Variants in MAN2A2 observed in about 807,000 individuals in gnomAD.
MAN2A2 encodes the protein alpha-mannosidase 2x.
In MAN2A2, 79 loss-of-function variants were observed where a neutral mutation model predicts 126.8. The ratio of observed to expected loss-of-function variants is 0.62; its 90% CI spans 0.52 to 0.75. MAN2A2 has a LOEUF of 0.75. Ranked by LOEUF, MAN2A2 falls within the 30% of genes least tolerant of loss-of-function variation. The probability of loss-of-function intolerance (pLI) is 0.00; values close to 1 mark genes in which losing one functional copy is unlikely to be tolerated. For synonymous variants in MAN2A2, 671 were observed against 618.7 expected (o/e 1.08, Z -1.25); for missense variants, 1,392 against 1,522.4 (o/e 0.91, Z 1.43).
At position 90,910,884 on chromosome 15, in the gene MAN2A2, A is replaced by G; in HGVS notation, c.1798A>G (p.Ile600Val). Residue 600 changes from isoleucine (I) to valine (V), a missense_variant, in exon 12 of 23, where the codon ATT becomes GTT. Coordinates refer to ENST00000559717, the MANE Select transcript of MAN2A2 (RefSeq NM_006122.4). ...CCTTGTCAACCTGAAGCAGGTCATC[A>G]TTCATGCAGCCCACTATCTGGTGCT... is the stretch of plus-strand genomic sequence containing the variant. ...RSLVNLKQVI[I>V]HAAHYLVLGD... 1 of 1,614,066 alleles carries G rather than the reference A, an allele frequency of 6.2e-7. No individual in the cohort carries two copies. The highest frequency in any genetic ancestry group is 8.5e-7 in the Non-Finnish European group (1 of 1,180,002).
In MAN2A2 at chr15:90,905,476, T is replaced by C. The variant is rs1469632213; in HGVS notation, c.358T>C (p.Leu120=). The C allele has an allele frequency of 7.4e-6, 12 of 1,613,830 alleles. No individual in the cohort carries two copies. The highest frequency in any genetic ancestry group is 2.2e-5 in the East Asian group (1 of 44,900). The part of the protein sequence containing the change: ...SISPQDCQFA[L]GGRGQKPELQ... ...CTCCCCGCAGGACTGCCAGTTTGCT[T>C]TGGGGGGCCGGGGTCAGAAGCCAGA... Residue 120 remains leucine, a synonymous_variant, in exon 3 of 23, where the codon TTG becomes CTG. Transcript: ENST00000559717.
At chr15:90,914,622 C>T (rs1019592172) in intron 19 of MAN2A2, among the ~76,000 whole-genome samples, 5 of 152,144 alleles carry the variant, frequency 3.3e-5, no homozygotes, top group Non-Finnish European at 4.4e-5. Flanking sequence ...CGATTTGAAG[C>T]GATTCTCTTG....
Position 90,919,925 on chromosome 15 carries a change from T to G in MAN2A2, c.*138T>G. On this transcript the variant is annotated 3_prime_UTR_variant, in exon 23 of 23. Transcript: ENST00000559717. ...CACACTGGGCTCTGCCCTCATTTTC[T>G]GTTTATTGCTGCTGCTGTGTTTTCG... is the stretch of plus-strand genomic sequence containing the variant. 1 of 1,025,460 alleles carries G rather than the reference T, an allele frequency of 9.8e-7. No individual in the cohort carries two copies. Among genetic ancestry groups the G allele is most frequent in the Admixed American group, 2.6e-5 (1 of 38,532 alleles). 63.5% of individuals were successfully genotyped at this position (1,025,460 alleles called of 1,614,324 possible).
chr15:90,910,544 C>A lies in MAN2A2; in HGVS notation c.1621C>A (p.Arg541Ser), dbSNP rs778476492. 11 of 1,614,086 alleles carry A rather than the reference C, an allele frequency of 6.8e-6. No individual in the cohort carries two copies. Among genetic ancestry groups the A allele is most frequent in the Non-Finnish European group, 9.3e-6 (11 of 1,180,036 alleles). The stretch of plus-strand genomic sequence containing the variant: ...CAGCCTGGCTGCAGCTCACGCTCGC[C>A]GCTCTGGTCTGGCTGGCCGGTACCC... The part of the protein sequence containing the change: ...LYSLAAAHAR[R>S]SGLAGRYPLS... Residue 541 changes from arginine to serine, a missense_variant, in exon 11 of 23, where the codon CGC (arginine) becomes AGC (serine). Coordinates refer to ENST00000559717, the MANE Select transcript of MAN2A2 (RefSeq NM_006122.4).
chr15:90,913,705 G>A lies in MAN2A2; in HGVS notation c.2810G>A (p.Arg937His), dbSNP rs1567129489. The A allele has an allele frequency of 3.1e-6, 5 of 1,605,106 alleles. No individual in the cohort carries two copies. Among genetic ancestry groups the A allele is most frequent in the South Asian group, 1.1e-5 (1 of 89,592 alleles). The change falls in exon 19 of 23, where the codon CGC (arginine) becomes CAC (histidine). Residue 937 changes from arginine (R) to histidine (H), a missense_variant. Coordinates refer to ENST00000559717, the MANE Select transcript of MAN2A2 (RefSeq NM_006122.4). ...GCCTATATCCAGGACGCACAGAAGC[G>A]CCTCACGCTGCACACTGCCCAGGCC... The part of the protein sequence containing the change: ...VMAYIQDAQK[R>H]LTLHTAQALG...
chr15:90,909,836 T>A (rs1288229151), intron 9 of MAN2A2, among the ~76,000 whole-genome samples: 1 of 152,152 alleles, frequency 6.6e-6, no homozygotes, highest in African/African-American at 2.4e-5. Flanking sequence ...ATCTCCTGAC[T>A]TCGTGATCCA....
intron 22 of MAN2A2, among the ~76,000 whole-genome samples, 176 bp from the exon 23 acceptor site, chr15:90,919,459 G>A (rs565078281): frequency 2.4e-4 from 37 of 152,286 alleles, no homozygotes; most frequent in African/African-American, 7.9e-4. Flanking sequence ...GGCTGGTCTC[G>A]AACTCCTGAC....
In MAN2A2 at chr15:90,905,668, C is replaced by G; in HGVS notation, c.480C>G (p.Asp160Glu). The G allele has an allele frequency of 1.2e-6, 2 of 1,614,152 alleles. No homozygotes were observed. Among genetic ancestry groups the G allele is most frequent in the Non-Finnish European group, 1.7e-6 (2 of 1,180,024 alleles). The change falls in exon 4 of 23, where the codon GAC becomes GAG. Residue 160 changes from aspartate to glutamate, a missense_variant. Asp to Glu is a conservative substitution (Grantham distance 45). Coordinates refer to ENST00000559717, the MANE Select transcript of MAN2A2 (RefSeq NM_006122.4). ...QGFDISYDPHDWDAEDLQVFV... is the reference protein window; with the variant it reads ...QGFDISYDPHEWDAEDLQVFV... ...TCGACATCTCCTACGACCCGCACGA[C>G]TGGGATGCTGAAGACCTGCAGGTGT...
chr15:90,907,502 G>A lies in MAN2A2; in HGVS notation c.1196+7G>A. On this transcript the variant is annotated splice_region_variant and intron_variant, in intron 8 of 22. Transcript: ENST00000559717. ...AGGCCAACGTGGCAGAGAGGTATCTGCTTCCAGCCCTTTCACTTCACAGAG... is the reference window on the plus strand; with the variant it reads ...AGGCCAACGTGGCAGAGAGGTATCTACTTCCAGCCCTTTCACTTCACAGAG... The A allele has an allele frequency of 5.6e-6, 9 of 1,606,650 alleles. No individual in the cohort carries two copies. Among genetic ancestry groups the A allele is most frequent in the Non-Finnish European group, 7.6e-6 (9 of 1,178,042 alleles).
rs1249178795 is a variant in MAN2A2 at position 90,905,897 on chromosome 15, C to G, written c.588C>G (p.Leu196=). 1 of 1,600,912 alleles carries G rather than the reference C, an allele frequency of 6.2e-7. No homozygotes were observed. The highest frequency in any genetic ancestry group is 1.8e-5 in the Admixed American group (1 of 56,282). The change falls in exon 5 of 23, where the codon CTC becomes CTG. Residue 196 remains leucine, a synonymous_variant. Coordinates refer to ENST00000559717, the MANE Select transcript of MAN2A2 (RefSeq NM_006122.4). The stretch of plus-strand genomic sequence containing the variant: ...ACACAGAGCAGACCCAACACATCCT[C>G]AATAGCATGGTGTCTAAGCTGCAGG... ...KYYTEQTQHI[L]NSMVSKLQED...
At chr15:90,905,211 A>T in intron 2 of MAN2A2, 40 bp from the exon 3 acceptor site, 1 of 1,599,782 alleles carries the variant, frequency 6.3e-7, no homozygotes, top group Non-Finnish European at 8.5e-7. Flanking sequence ...TCCCTGTGGC[A>T]TAAGGAGCTG....
In MAN2A2 at chr15:90,919,533, CT is replaced by C. The variant is rs1473740175; in HGVS notation, c.3301-101del. ...GGATTACAGGTGTGAGCCACTGCCC[CT>C]GGCTGAGATTCTTAAAGAGGTACCA... On this transcript the variant is annotated intron_variant, in intron 22 of 22. Transcript: ENST00000559717. 2.8e-6 allele frequency: 4 copies of C among 1,421,314 alleles called. No individual in the cohort carries two copies. The African/African-American group carries it at 4.2e-5, about 15-fold the overall frequency. 88.0% of individuals were successfully genotyped at this position (1,421,314 alleles called of 1,614,324 possible).
At chr15:90,910,354 G>A in intron 10 of MAN2A2, 62 bp downstream of exon 10, 1 of 1,597,376 alleles carries the variant, frequency 6.3e-7, no homozygotes, top group Non-Finnish European at 8.6e-7. Flanking sequence ...GTTTAAGGAG[G>A]GGCTGGATTG....
At chr15:90,916,100 G>C in intron 19 of MAN2A2, 23 bp from the exon 20 acceptor site, 1 of 1,612,590 alleles carries the variant, frequency 6.2e-7, no homozygotes, top group South Asian at 1.1e-5. Context: ...GGGCGGGCCA[G>C]CACTCACTGT....
Position 90,910,878 on chromosome 15 carries a change from G to A in MAN2A2, c.1792G>A (p.Val598Ile). The A allele has an allele frequency of 1.2e-6, 2 of 1,614,112 alleles. No individual in the cohort carries two copies. Among genetic ancestry groups the A allele is most frequent in the Non-Finnish European group, 1.7e-6 (2 of 1,180,014 alleles). Residue 598 changes from valine (V) to isoleucine (I), a missense_variant, in exon 12 of 23, where the codon GTC becomes ATC. Physicochemically the swap from Val to Ile is conservative, Grantham distance 29 (BLOSUM62 3). Coordinates refer to ENST00000559717, the MANE Select transcript of MAN2A2 (RefSeq NM_006122.4). ...LLRSLVNLKQ[V>I]IIHAAHYLVL... ...GCGCTCCCTTGTCAACCTGAAGCAG[G>A]TCATCATTCATGCAGCCCACTATCT...
chr15:90,902,896 C>T (rs960393692), upstream of MAN2A2: 3 of 149,340 alleles, frequency 2.0e-5, no homozygotes, highest in African/African-American at 7.3e-5. Flanking sequence ...TGCCTGCACG[C>T]GGGCCGCCGT....
At chr15:90,908,836 A>G (rs1160325919) in intron 8 of MAN2A2, among the ~76,000 whole-genome samples, 1 of 152,172 alleles carries the variant, frequency 6.6e-6, no homozygotes, top group Non-Finnish European at 1.5e-5. Context: ...CCGGTCTCCC[A>G]AAGTGCTGGG....
At position 90,922,536 on chromosome 15, in the gene MAN2A2, G is replaced by C. The variant is rs190410034; in HGVS notation, c.*2749G>C. On this transcript the variant is annotated 3_prime_UTR_variant, in exon 23 of 23. Coordinates refer to ENST00000559717, the MANE Select transcript of MAN2A2 (RefSeq NM_006122.4). ...ATCAAACAATAGGAGGGGAATCTGT[G>C]AACGCCTAGAAAATGAGCAGAATAA... 3.9e-5 allele frequency: 6 copies of C among 152,306 alleles called. No individual in the cohort carries two copies. Among genetic ancestry groups the C allele is most frequent in the Admixed American group, 2.6e-4 (4 of 15,298 alleles). 9.4% of individuals were successfully genotyped at this position (152,306 alleles called of 1,614,324 possible). A position where few individuals can be genotyped will look rare whatever the true frequency, so the allele number is the denominator to read the frequency against.
rs755440702 is a variant in MAN2A2, at chr15:90,918,773, A to G, written c.3300+18A>G. ...AAGGCAAGGTGAGTAGGGTGGGGAA[A>G]CAGAGCACCTAGGAATGGCAGGCAT... On this transcript the variant is annotated intron_variant, in intron 22 of 22. Coordinates refer to ENST00000559717, the MANE Select transcript of MAN2A2 (RefSeq NM_006122.4). The G allele has an allele frequency of 2.7e-6, 4 of 1,496,010 alleles. No individual in the cohort carries two copies. The highest frequency in any genetic ancestry group is 1.4e-5 in the African/African-American group (1 of 72,358). The allele number at this position is 1,496,010 out of a possible 1,614,324, so 92.7% of individuals were successfully genotyped here.
Sources: allele counts gnomAD v4.1 joint callset (sites outside exome capture counted in the v4.1 genomes callset), GRCh38; gene constraint gnomAD v4.1.1; transcripts MANE v1.5; gene names NCBI Gene and HGNC (gene_info 2026-07-23, HGNC 2026-07-21).